SHISA9: variants seen among roughly 807,000 people sequenced by gnomAD.
SHISA9 encodes the protein protein shisa-9.
A neutral mutation model predicts 38.0 loss-of-function variants in SHISA9; 13 were observed. The observed-to-expected ratio is 0.34, with a 90% CI of 0.22 to 0.54. The LOEUF (loss-of-function observed/expected upper bound fraction) is 0.54, where lower values mean the gene tolerates loss of function less well. Among genes scored for constraint, SHISA9 ranks in the 20% least tolerant of loss-of-function variants. The pLI, the probability that SHISA9 is intolerant of heterozygous loss-of-function variation, is 0.91. For missense variants in SHISA9, 538 were observed against 575.8 expected (o/e 0.93, Z 0.67); for synonymous variants, 275 against 242.0 (o/e 1.14, Z -1.27).
At chr16:13,018,937 T>C (rs2072788959) in intron 2 of SHISA9, among the ~76,000 whole-genome samples, 1 of 152,234 alleles carries the variant, frequency 6.6e-6, no homozygotes, top group Non-Finnish European at 1.5e-5. Flanking sequence ...CATGCATTAC[T>C]TTGCTCAAGC....
chr16:12,907,137 C>T (rs1414044095), intron 1 of SHISA9, among the ~76,000 whole-genome samples: 1 of 75,484 alleles, frequency 1.3e-5, no homozygotes, highest in Admixed American at 1.4e-4. Context: ...TCTTTTCTTC[C>T]TTTCCCTCCC....
the SHISA9 span, among the ~76,000 whole-genome samples, chr16:13,379,481 C>T: frequency 6.6e-6 from 1 of 152,204 alleles, no homozygotes; most frequent in East Asian, 1.9e-4. Context: ...TCCAGCCTGC[C>T]TTTCCTGCAC....
the SHISA9 span, among the ~76,000 whole-genome samples, chr16:13,472,937 A>G: frequency 6.6e-6 from 1 of 152,212 alleles, no homozygotes; most frequent in Non-Finnish European, 1.5e-5. Flanking sequence ...ATGTCCTTGC[A>G]TGTTAATTCT....
intron 2 of SHISA9, among the ~76,000 whole-genome samples, chr16:12,998,288 T>A (rs2072483235): frequency 6.6e-6 from 1 of 152,226 alleles, no homozygotes; most frequent in Non-Finnish European, 1.5e-5. Flanking sequence ...AAATAAGCAC[T>A]AACATGTGTA....
chr16:13,325,783 A>T, the SHISA9 span, among the ~76,000 whole-genome samples: 440 of 152,218 alleles, frequency 2.9e-3, 17 homozygotes, highest in East Asian at 0.073. Flanking sequence ...CATCATTCTC[A>T]GCAAAATAAC....
chr16:13,217,997 T>G (rs1485973793), intron 4 of SHISA9, among the ~76,000 whole-genome samples: 2 of 112,068 alleles, frequency 1.8e-5, no homozygotes, highest in African/African-American at 6.9e-5. Context: ...GCCACTGCAC[T>G]CCAACCTGAG....
the SHISA9 span, among the ~76,000 whole-genome samples, chr16:13,285,462 GT>G: frequency 0.33 from 31,248 of 95,786 alleles, 3,270 homozygotes; most frequent in Middle Eastern, 0.4. Flanking sequence ...TTCAGGTGTA[GT>G]TTTTTTTTTT....
At chr16:13,039,485 GTTTTTTT>G (rs5815735) in intron 2 of SHISA9, among the ~76,000 whole-genome samples, 6 of 126,820 alleles carry the variant, frequency 4.7e-5, no homozygotes, top group African/African-American at 1.4e-4. Flanking sequence ...ATGTCATGGG[GTTTTTTT>G]TTTTTTTTTT....
chr16:13,481,102 CCG>C, the SHISA9 span, among the ~76,000 whole-genome samples: 2 of 152,232 alleles, frequency 1.3e-5, no homozygotes, highest in African/African-American at 4.8e-5. Context: ...GGCTGACCAA[CCG>C]CTTTTGCTAA....
At chr16:13,368,751 A>AC in the SHISA9 span, among the ~76,000 whole-genome samples, 1,385 of 149,948 alleles carry the variant, frequency 9.2e-3, 22 homozygotes, top group African/African-American at 0.029. Flanking sequence ...AAAAAAAAAA[A>AC]CCCACTGGGA....
At chr16:12,926,281 A>G (rs971481155) in intron 2 of SHISA9, among the ~76,000 whole-genome samples, 2 of 151,930 alleles carry the variant, frequency 1.3e-5, no homozygotes, top group African/African-American at 2.4e-5. Flanking sequence ...CTCTTTTTCT[A>G]TTTGTTTTCC....
intron 2 of SHISA9, among the ~76,000 whole-genome samples, chr16:13,011,319 A>T (rs79927774): frequency 2.6e-4 from 33 of 127,682 alleles, no homozygotes; most frequent in East Asian, 4.6e-4. Context: ...ATTAGCACTC[A>T]TTTTTTTTTT....
chr16:13,355,065 A>T, the SHISA9 span, among the ~76,000 whole-genome samples: 3 of 149,656 alleles, frequency 2.0e-5, no homozygotes, highest in Non-Finnish European at 4.4e-5. Flanking sequence ...CTAGAACAGA[A>T]TAATGGGTTG....
chr16:13,060,659 A>C (rs1646213), intron 2 of SHISA9, among the ~76,000 whole-genome samples: 109,246 of 129,268 alleles, frequency 0.85, 46,406 homozygotes, highest in African/African-American at 0.91. Context: ...AAAAAAAAAA[A>C]AACACTCAAA....
the SHISA9 span, among the ~76,000 whole-genome samples, chr16:13,413,373 T>C: frequency 6.6e-6 from 1 of 152,188 alleles, no homozygotes; most frequent in African/African-American, 2.4e-5. Flanking sequence ...CTTCCTGCTC[T>C]TAAAAACAAG....
chr16:13,480,512 C>T, the SHISA9 span, among the ~76,000 whole-genome samples: 18 of 152,162 alleles, frequency 1.2e-4, no homozygotes, highest in African/African-American at 4.1e-4. Flanking sequence ...CTTGAGGTTC[C>T]TGGCACATCT....
chr16:13,163,915 A>G (rs2050615486), intron 2 of SHISA9, among the ~76,000 whole-genome samples: 1 of 152,070 alleles, frequency 6.6e-6, no homozygotes, highest in Non-Finnish European at 1.5e-5. Flanking sequence ...AGATGATCTC[A>G]TCTGCAAATA....
chr16:12,945,725 G>T (rs2071680661), intron 2 of SHISA9, among the ~76,000 whole-genome samples: 1 of 152,208 alleles, frequency 6.6e-6, no homozygotes. Flanking sequence ...AGACTTAAAT[G>T]AGATGATATA....
At chr16:13,544,153 C>T in the SHISA9 span, among the ~76,000 whole-genome samples, 2 of 151,788 alleles carry the variant, frequency 1.3e-5, no homozygotes, top group African/African-American at 4.8e-5. Flanking sequence ...TACTTACTAC[C>T]TGACTAAGAA....
Sources: allele counts gnomAD v4.1 joint callset (sites outside exome capture counted in the v4.1 genomes callset), GRCh38; gene constraint gnomAD v4.1.1; transcripts MANE v1.5; gene names NCBI Gene and HGNC (gene_info 2026-07-23, HGNC 2026-07-21).